Variants in CPNE5 observed in about 807,000 individuals in gnomAD.
The protein encoded by CPNE5 is copine-5.
In CPNE5, 42 loss-of-function variants were observed where a neutral mutation model predicts 81.1. The ratio of observed to expected loss-of-function variants is 0.52; its 90% CI spans 0.40 to 0.67. The LOEUF is 0.67. Ranked by LOEUF, CPNE5 falls within the 30% of genes least tolerant of loss-of-function variation. CPNE5 has a pLI of 0.00. For synonymous variants in CPNE5, 313 were observed against 321.5 expected (o/e 0.97, Z 0.28); for missense variants, 612 against 815.5 (o/e 0.75, Z 3.04).
chr6:36,839,487 G>T, upstream of CPNE5: 1 of 883,686 alleles, frequency 1.1e-6, no homozygotes, highest in Non-Finnish European at 1.7e-6. The surrounding 1 kb of genome is among the most constrained non-coding windows in gnomAD (Gnocchi z 7.3). Context: ...TGGGCTGGGC[G>T]GCAAGGGGAG....
chr6:36,784,570 G>T (rs545031861), intron 8 of CPNE5, among the ~76,000 whole-genome samples: 2 of 152,218 alleles, frequency 1.3e-5, no homozygotes, highest in African/African-American at 4.8e-5. Flanking sequence ...TAACAGAGCA[G>T]CAAATTCTGG....
At chr6:36,789,664 C>T (rs762466098) in intron 8 of CPNE5, among the ~76,000 whole-genome samples, 3 of 152,202 alleles carry the variant, frequency 2.0e-5, no homozygotes, top group Non-Finnish European at 4.4e-5. Flanking sequence ...ACAGGGCAAC[C>T]GAATTCTCTC....
At chr6:36,793,105 C>T (rs1769247108) in intron 7 of CPNE5, among the ~76,000 whole-genome samples, 1 of 152,178 alleles carries the variant, frequency 6.6e-6, no homozygotes, top group Non-Finnish European at 1.5e-5. Context: ...CTGGTAAAAT[C>T]CAGCCTCACA....
intron 16 of CPNE5, among the ~76,000 whole-genome samples, chr6:36,745,886 C>A (rs189054998): frequency 2.9e-4 from 44 of 152,276 alleles, no homozygotes; most frequent in Non-Finnish European, 5.3e-4. Flanking sequence ...CCCAGCACAG[C>A]ACCTTGCACC....
chr6:36,770,091 G>T (rs141430605), intron 10 of CPNE5, among the ~76,000 whole-genome samples: 3 of 152,184 alleles, frequency 2.0e-5, no homozygotes, highest in Non-Finnish European at 4.4e-5. Flanking sequence ...AGTGCTTCCT[G>T]TCATCACCCC....
intron 10 of CPNE5, 124 bp from the exon 11 acceptor site, chr6:36,765,500 T>A: frequency 8.0e-6 from 9 of 1,126,578 alleles, no homozygotes; most frequent in Non-Finnish European, 1.2e-5. Flanking sequence ...CCCAGGGCCC[T>A]GGGTGGGGAG....
At chr6:36,747,250 T>G (rs1428267851) in intron 15 of CPNE5, among the ~76,000 whole-genome samples, 4 of 119,962 alleles carry the variant, frequency 3.3e-5, no homozygotes, top group Admixed American at 3.2e-4. Flanking sequence ...CCTGGCTTGA[T>G]TTCCCCCCCC....
intron 8 of CPNE5, among the ~76,000 whole-genome samples, chr6:36,784,194 C>T (rs750537099): frequency 3.3e-5 from 5 of 152,194 alleles, no homozygotes; most frequent in Non-Finnish European, 5.9e-5. Context: ...GATTTTGTTC[C>T]TTAGCCTTAT....
At chr6:36,765,498 C>T in intron 10 of CPNE5, 122 bp from the exon 11 acceptor site, 1 of 1,173,304 alleles carries the variant, frequency 8.5e-7, no homozygotes, top group Non-Finnish European at 1.2e-6. Flanking sequence ...GCCCCAGGGC[C>T]CTGGGTGGGG....
intron 11 of CPNE5, among the ~76,000 whole-genome samples, chr6:36,764,468 T>A (rs148810657): frequency 3.7e-4 from 56 of 152,254 alleles, no homozygotes; most frequent in African/African-American, 1.2e-3. Flanking sequence ...ATCACAGACT[T>A]GGGAGGTACC....
At chr6:36,743,082 G>A (rs1763714571) in intron 20 of CPNE5, 1 of 985,392 alleles carries the variant, frequency 1.0e-6, no homozygotes, top group African/African-American at 1.7e-5. Context: ...CTCCACACCT[G>A]GGATACTGGG....
chr6:36,822,938 C>A, intron 2 of CPNE5, 120 bp downstream of exon 2: 1 of 780,420 alleles, frequency 1.3e-6, no homozygotes, highest in Non-Finnish European at 1.9e-6. Flanking sequence ...ACAGGCTTGA[C>A]ACACTTTGAA....
intron 3 of CPNE5, among the ~76,000 whole-genome samples, chr6:36,817,891 G>T (rs1771688955): frequency 6.6e-6 from 1 of 152,190 alleles, no homozygotes; most frequent in Admixed American, 6.6e-5. Flanking sequence ...AAGGCCTGGA[G>T]TAGTAATGGC....
chr6:36,799,990 C>T lies in CPNE5; in HGVS notation c.264G>A (p.Glu88=). 1.2e-6 allele frequency: 2 copies of T among 1,613,898 alleles called. No homozygotes were observed. The highest frequency in any genetic ancestry group is 1.7e-6 in the Non-Finnish European group (2 of 1,179,814). Residue 88 remains glutamate (E), a synonymous_variant, in exon 4 of 21, where the codon GAG becomes GAA. Coordinates refer to ENST00000244751, the MANE Select transcript of CPNE5 (RefSeq NM_020939.2). ...ACAGATCAAAACGGAGGTTCTGCTT[C>T]TCCTCGAAAAAGTAATCCACAATGA... ...RKFIVDYFFE[E]KQNLRFDLYD...
At chr6:36,743,049 G>T in intron 20 of CPNE5, 1 of 985,378 alleles carries the variant, frequency 1.0e-6, no homozygotes, top group Non-Finnish European at 1.2e-6. Context: ...TCTTGCTCTG[G>T]TTTCCAGCCC....
chr6:36,750,265 A>G (rs1764662450), intron 14 of CPNE5, among the ~76,000 whole-genome samples: 1 of 152,198 alleles, frequency 6.6e-6, no homozygotes, highest in Non-Finnish European at 1.5e-5. Flanking sequence ...TCAGCCCAAG[A>G]TCCCTGTCAC....
intron 1 of CPNE5, among the ~76,000 whole-genome samples, chr6:36,828,390 G>T (rs1772700636): frequency 6.6e-6 from 1 of 150,774 alleles, no homozygotes; most frequent in African/African-American, 2.4e-5. Context: ...CCTGCACTCA[G>T]GGAGCCCGGT....
chr6:36,826,835 C>A lies in CPNE5; in HGVS notation c.96-3737G>T, dbSNP rs140286725. Among the ~76,000 whole-genome samples, 249 of 152,368 alleles carry A rather than the reference C, an allele frequency of 1.6e-3. 2 individuals carry two copies. Among genetic ancestry groups the A allele is most frequent in the African/African-American group, 5.6e-3 (232 of 41,578 alleles). ...GTAGTAGTTAAGTGCATGGGCTCTG[C>A]AGTCAGACAAGCTGGGTTTGCTCAC... is the stretch of plus-strand genomic sequence containing the variant. On this transcript the variant is annotated intron_variant, in intron 1 of 20. Coordinates refer to ENST00000244751, the MANE Select transcript of CPNE5 (RefSeq NM_020939.2).
At chr6:36,803,590 C>T (rs1770323529) in intron 3 of CPNE5, among the ~76,000 whole-genome samples, 3 of 152,194 alleles carry the variant, frequency 2.0e-5, no homozygotes, top group Non-Finnish European at 4.4e-5. Context: ...CATTTTGTGC[C>T]GTATGGATAT....
Sources: allele counts gnomAD v4.1 joint callset (sites outside exome capture counted in the v4.1 genomes callset), GRCh38; gene constraint gnomAD v4.1.1; non-coding constraint Gnocchi (gnomAD v3.1); transcripts MANE v1.5; gene names NCBI Gene and HGNC (gene_info 2026-07-23, HGNC 2026-07-21).